The following LMCD1 variants were observed in gnomAD, a reference collection of about 807,000 sequenced individuals.
LMCD1 encodes the protein LIM and cysteine rich domains 1.
LMCD1 carries 32 observed loss-of-function variants against 42.7 expected under a neutral mutation model. The observed-to-expected ratio is 0.75, with a 90% CI of 0.57 to 1.01. The LOEUF (loss-of-function observed/expected upper bound fraction) is 1.01. Ranked by LOEUF, LMCD1 falls within the 50% of genes least tolerant of loss-of-function variation. The pLI is 0.00. For missense variants in LMCD1, 458 were observed against 483.1 expected, an observed-to-expected ratio of 0.95 and a Z score of 0.49; for synonymous variants, 178 against 184.9, an observed-to-expected ratio of 0.96 and a Z score of 0.30.
chr3:8,561,060 T>C (rs1360840421), intron 4 of LMCD1, among the ~76,000 whole-genome samples: 2 of 152,262 alleles, frequency 1.3e-5, no homozygotes, highest in Non-Finnish European at 2.9e-5. Flanking sequence ...TATATGAGTA[T>C]ATTAAGTATG....
At chr3:8,502,303 TAATATATAAAATATATA>T (rs561598803) in intron 1 of LMCD1, among the ~76,000 whole-genome samples, 1,695 of 22,602 alleles carry the variant, frequency 0.075, 101 homozygotes, top group African/African-American at 0.18. Flanking sequence ...ATATTATATA[TAATATATAAAATATATA>T]TTATATATAA....
At position 8,533,812 on chromosome 3, in the gene LMCD1, A is replaced by G. The variant is rs78450128; in HGVS notation, c.131+987A>G. Among the ~76,000 whole-genome samples, 1,167 of 152,092 alleles carry G rather than the reference A, an allele frequency of 7.7e-3. 14 individuals carry two copies. Among genetic ancestry groups the G allele is most frequent in the African/African-American group, 0.027 (1,133 of 41,468 alleles). ...TGAACTCAGATCTGCATGAATCCCA[A>G]TCCCATGCTCCTAATCGTTCTGCAG... On this transcript the variant is annotated intron_variant, in intron 2 of 5. Coordinates refer to ENST00000157600, the MANE Select transcript of LMCD1 (RefSeq NM_014583.4).
At chr3:8,563,348 C>T (rs867089068) in intron 4 of LMCD1, among the ~76,000 whole-genome samples, 3 of 152,188 alleles carry the variant, frequency 2.0e-5, no homozygotes, top group South Asian at 2.1e-4. Context: ...CAAACAGGAA[C>T]GGGAACAATG....
At chr3:8,515,102 T>C in intron 1 of LMCD1, 1 of 439,426 alleles carries the variant, frequency 2.3e-6, no homozygotes, top group South Asian at 1.6e-5. Flanking sequence ...GGCCAAAGCA[T>C]GGAAAGTGAG....
At chr3:8,514,947 A>G (rs1347222085) in intron 1 of LMCD1, 3 of 456,724 alleles carry the variant, frequency 6.6e-6, no homozygotes, top group Admixed American at 2.3e-5. Flanking sequence ...TGGGATATAC[A>G]TATAAAGTAA....
chr3:8,558,729 G>A (rs904430221), intron 4 of LMCD1, among the ~76,000 whole-genome samples: 1 of 152,184 alleles, frequency 6.6e-6, no homozygotes, highest in East Asian at 1.9e-4. Flanking sequence ...AAAAAATAGT[G>A]TTGAGTTTAA....
chr3:8,551,109 G>A (rs1694831558), intron 4 of LMCD1: 2 of 985,214 alleles, frequency 2.0e-6, no homozygotes, highest in Non-Finnish European at 2.4e-6. Flanking sequence ...TGGGCTAGCT[G>A]TGGAAGATAG....
intron 1 of LMCD1, among the ~76,000 whole-genome samples, chr3:8,516,890 A>T (rs1247190900): frequency 1.3e-5 from 2 of 152,188 alleles, no homozygotes; most frequent in African/African-American, 2.4e-5. Flanking sequence ...CGTACCTTTG[A>T]TGTGTGAAGA....
chr3:8,572,516 T>A lies in LMCD1; in HGVS notation c.*4918T>A, dbSNP rs889117083. On this transcript the variant is annotated 3_prime_UTR_variant, in exon 6 of 6. Transcript: ENST00000157600. ...GACGTTTACTGATCGAACTAATTAT[T>A]ATTATGATAGTTGCCAAATGTTGGT... The A allele has an allele frequency of 6.6e-6, 1 of 152,232 alleles. No individual in the cohort carries two copies. Among genetic ancestry groups the A allele is most frequent in the Non-Finnish European group, 1.5e-5 (1 of 68,036 alleles). The allele number at this position is 152,232 out of a possible 1,614,324, so 9.4% of individuals were successfully genotyped here.
chr3:8,568,246 T>TG lies in LMCD1; in HGVS notation c.*649dup, dbSNP rs1420185589. The TG allele has an allele frequency of 1.8e-4, 27 of 152,182 alleles. No homozygotes were observed. Among genetic ancestry groups the TG allele is most frequent in the Admixed American group, 1.8e-3 (27 of 15,280 alleles). The allele number at this position is 152,182 out of a possible 1,614,324, so 9.4% of individuals were successfully genotyped here. A position where few individuals can be genotyped will look rare whatever the true frequency, so the allele number is the denominator to read the frequency against. Reference sequence around the variant, plus strand: ...TATCTCATCAGACTTCCACTGGGAGTGTAGGCTTTGGGACAGAACCCCCGC... The same window carrying TG: ...TATCTCATCAGACTTCCACTGGGAGTGGTAGGCTTTGGGACAGAACCCCCGC... On this transcript the variant is annotated 3_prime_UTR_variant, in exon 6 of 6. Transcript: ENST00000157600.
chr3:8,563,194 A>C (rs1329603257), intron 4 of LMCD1, among the ~76,000 whole-genome samples: 4 of 152,248 alleles, frequency 2.6e-5, no homozygotes, highest in Non-Finnish European at 5.9e-5. Flanking sequence ...TAGAAAGAAC[A>C]GGTATCAAAC....
rs146588809 is a variant in LMCD1, at chr3:8,567,534, G to T, written c.1034G>T (p.Arg345Leu). ...GGTTGTGAGCAGCTGCTGAGCGGCC[G>T]GGCGTACATCGTCACCAAGGGTCAG... is the stretch of plus-strand genomic sequence containing the variant. ...CEGCEQLLSG[R>L]AYIVTKGQLL... The change falls in exon 6 of 6, where the codon CGG becomes CTG. Residue 345 changes from arginine (R) to leucine (L), a missense_variant. Transcript: ENST00000157600. 3 of 1,613,620 alleles carry T rather than the reference G, an allele frequency of 1.9e-6. No homozygotes were observed. Among genetic ancestry groups the T allele is most frequent in the Non-Finnish European group, 2.5e-6 (3 of 1,179,978 alleles).
At chr3:8,504,051 T>A (rs1164578769) in intron 1 of LMCD1, among the ~76,000 whole-genome samples, 1 of 152,204 alleles carries the variant, frequency 6.6e-6, no homozygotes, top group Non-Finnish European at 1.5e-5. Context: ...GGGTTTGTTT[T>A]CCATTTAGAT....
intron 3 of LMCD1, among the ~76,000 whole-genome samples, chr3:8,540,737 G>A (rs13323913): frequency 0.51 from 78,059 of 152,032 alleles, 20,967 homozygotes; most frequent in African/African-American, 0.6. Context: ...AGACAAAGGA[G>A]ACCAGCATCC....
At chr3:8,530,412 G>C (rs1000044408) in intron 1 of LMCD1, among the ~76,000 whole-genome samples, 1 of 152,218 alleles carries the variant, frequency 6.6e-6, no homozygotes, top group African/African-American at 2.4e-5. Context: ...CTGCTCTGCT[G>C]TGCTACCTAC....
Position 8,537,432 on chromosome 3 carries a change from C to A in LMCD1, c.379C>A (p.Gln127Lys). The A allele has an allele frequency of 6.3e-7, 1 of 1,579,380 alleles. No homozygotes were observed. The highest frequency in any genetic ancestry group is 8.6e-7 in the Non-Finnish European group (1 of 1,159,174). The change falls in exon 3 of 6, where the codon CAG becomes AAG. Residue 127 changes from glutamine (Q) to lysine (K), a missense_variant. Transcript: ENST00000157600. ...CGAGTGGGCTCCCCCTGGAGTCACC[C>A]AGAAACTGGTAAGAGAGCTTCCCCA... ...TYEWAPPGVTQKLGLQYMELI... is the reference protein window; with the variant it reads ...TYEWAPPGVTKKLGLQYMELI...
In LMCD1 at chr3:8,571,272, T is replaced by C. The variant is rs1695213300; in HGVS notation, c.*3674T>C. 1 of 152,210 alleles carries C rather than the reference T, an allele frequency of 6.6e-6. No homozygotes were observed. Among genetic ancestry groups the C allele is most frequent in the South Asian group, 2.1e-4 (1 of 4,826 alleles). The allele number at this position is 152,210 out of a possible 1,614,324, so 9.4% of individuals were successfully genotyped here. On this transcript the variant is annotated 3_prime_UTR_variant, in exon 6 of 6. Transcript: ENST00000157600. ...ATGAACTTCTAAAGAATAATCGTAT[T>C]ATCTTTATTTCCCCAACTCTTAGTA...
chr3:8,555,264 A>C (rs1313105714), intron 4 of LMCD1, among the ~76,000 whole-genome samples: 3 of 152,080 alleles, frequency 2.0e-5, no homozygotes, highest in Non-Finnish European at 4.4e-5. Flanking sequence ...CCCCAATAGA[A>C]GGACATATTT....
intron 1 of LMCD1, among the ~76,000 whole-genome samples, chr3:8,504,971 A>T (rs1353909512): frequency 6.6e-6 from 1 of 152,230 alleles, no homozygotes; most frequent in African/African-American, 2.4e-5. Context: ...AAGCTAATTA[A>T]CTTTGAGTCA....
Sources: gnomAD v4.1 joint callset for allele counts (sites outside exome capture counted in the v4.1 genomes callset) on GRCh38, gnomAD v4.1.1 for gene constraint, MANE v1.5 for transcripts, NCBI Gene and HGNC (gene_info 2026-07-23, HGNC 2026-07-21) for gene names.